GATA4: variants seen among roughly 807,000 people sequenced by gnomAD.
The protein encoded by GATA4 is GATA binding protein 4.
A neutral mutation model predicts 37.9 loss-of-function variants in GATA4; 7 were observed. That is an observed-to-expected ratio of 0.18 (90% confidence interval 0.11 to 0.35). The LOEUF (loss-of-function observed/expected upper bound fraction) is 0.35, where lower values mean the gene tolerates loss of function less well. Ranked by LOEUF, GATA4 falls within the 10% of genes least tolerant of loss-of-function variation. GATA4 has a pLI of 1.00. For missense variants in GATA4, 647 were observed against 653.0 expected, an observed-to-expected ratio of 0.99 and a Z score of 0.10; for synonymous variants, 372 against 292.6, an observed-to-expected ratio of 1.27 and a Z score of -2.77.
intron 1 of GATA4, among the ~76,000 whole-genome samples, chr8:11,698,939 T>G (rs1023116102): frequency 1.3e-5 from 2 of 152,220 alleles, no homozygotes; most frequent in African/African-American, 4.8e-5. Flanking sequence ...TGGCCAGTAT[T>G]CTACTCTGAG....
At chr8:11,689,744 G>C (rs1282230422), upstream of GATA4, among the ~76,000 whole-genome samples, 5 of 152,182 alleles carry the variant, frequency 3.3e-5, no homozygotes, top group African/African-American at 9.6e-5. Flanking sequence ...CAAGGGGTGT[G>C]GGCAGCAGCT....
intron 2 of GATA4, among the ~76,000 whole-genome samples, chr8:11,728,838 C>A (rs756332018): frequency 2.6e-5 from 4 of 152,164 alleles, no homozygotes; most frequent in Non-Finnish European, 5.9e-5. Flanking sequence ...TCATAGACCC[C>A]ATATCCAACT....
At chr8:11,697,641 C>T (rs1799544796) in intron 1 of GATA4, 1 of 985,426 alleles carries the variant, frequency 1.0e-6, no homozygotes, top group East Asian at 1.1e-4. Context: ...CCAGCACAGC[C>T]CCCCTTTCAG....
intron 2 of GATA4, among the ~76,000 whole-genome samples, chr8:11,719,380 G>A (rs1298402202): frequency 6.6e-6 from 1 of 152,070 alleles, no homozygotes; most frequent in East Asian, 1.9e-4. Flanking sequence ...AACTTGACCC[G>A]AAATAAAGAA....
In GATA4 at chr8:11,709,771, G is replaced by A. The variant is rs1331549601; in HGVS notation, c.616+843G>A. 1.3e-5 allele frequency among the ~76,000 whole-genome samples: 2 copies of A among 152,226 alleles called. No homozygotes were observed. Among genetic ancestry groups the A allele is most frequent in the Non-Finnish European group, 2.9e-5 (2 of 68,040 alleles). ...GTGTTTCCATCGGATGTCAGACGGG[G>A]AGGGACGGCAAACCTGTCTCAACCT... On this transcript the variant is annotated intron_variant, in intron 2 of 6. Coordinates refer to ENST00000532059, the MANE Select transcript of GATA4 (RefSeq NM_001308093.3). This position sits in a 1 kb window ranked among gnomAD's most constrained non-coding sequence, Gnocchi z 4.3.
Position 11,708,298 on chromosome 8 carries a change from G to T in GATA4, c.-15G>T. On this transcript the variant is annotated 5_prime_UTR_variant, in exon 2 of 7. Transcript: ENST00000532059. The surrounding 1 kb of genome is among the most constrained non-coding windows in gnomAD (Gnocchi z 6.7). ...GGGAGAGAGAGGACACCGAAGCCGG[G>T]AGCTCGCAGGGACCATGTATCAGAG... 6.3e-7 allele frequency: 1 copy of T among 1,576,036 alleles called. No homozygotes were observed. The highest frequency in any genetic ancestry group is 1.8e-5 in the Admixed American group (1 of 57,004).
At chr8:11,744,820 G>C (rs1243815568) in intron 2 of GATA4, among the ~76,000 whole-genome samples, 1 of 152,160 alleles carries the variant, frequency 6.6e-6, no homozygotes, top group African/African-American at 2.4e-5. Flanking sequence ...GGTAACCCCT[G>C]ACCCTTCTAT....
intron 2 of GATA4, among the ~76,000 whole-genome samples, chr8:11,738,050 A>G (rs1801544121): frequency 6.6e-6 from 1 of 151,934 alleles, no homozygotes; most frequent in Non-Finnish European, 1.5e-5. Context: ...GCGTGATGGT[A>G]TATACCTGTA....
intron 1 of GATA4, chr8:11,697,477 G>C: frequency 1.2e-6 from 1 of 859,482 alleles, no homozygotes; most frequent in Non-Finnish European, 1.4e-6. Flanking sequence ...AGCGGTGTTC[G>C]GAGGGGAGCA....
Position 11,758,512 on chromosome 8 carries a change from T to A in GATA4, c.*37T>A. ...CCCTCCTCAAATTCCTGCACGGACCTGGGACTTGGAGGATAGCAAAGAAGG... is the reference window on the plus strand; with the variant it reads ...CCCTCCTCAAATTCCTGCACGGACCAGGGACTTGGAGGATAGCAAAGAAGG... On this transcript the variant is annotated 3_prime_UTR_variant, in exon 7 of 7. Coordinates refer to ENST00000532059, the MANE Select transcript of GATA4 (RefSeq NM_001308093.3). 1 of 1,607,738 alleles carries A rather than the reference T, an allele frequency of 6.2e-7. No individual in the cohort carries two copies. Among genetic ancestry groups the A allele is most frequent in the Non-Finnish European group, 8.5e-7 (1 of 1,174,282 alleles).
At chr8:11,682,246 C>T (rs956260327) in intron 1 of GATA4, among the ~76,000 whole-genome samples, 1 of 152,180 alleles carries the variant, frequency 6.6e-6, no homozygotes, top group Admixed American at 6.5e-5. Flanking sequence ...GCTTCTCCTG[C>T]TACATCGTTT....
upstream of GATA4, among the ~76,000 whole-genome samples, chr8:11,691,058 A>C (rs1799297774): frequency 6.6e-6 from 1 of 152,180 alleles, no homozygotes; most frequent in Non-Finnish European, 1.5e-5. Flanking sequence ...AAATGGAGGA[A>C]ATAGAGTGAC....
upstream of GATA4, among the ~76,000 whole-genome samples, chr8:11,699,645 C>T (rs1799608078): frequency 6.6e-6 from 1 of 152,268 alleles, no homozygotes; most frequent in South Asian, 2.1e-4. Context: ...CGCTCCTCAA[C>T]CTGCTGGGGC....
chr8:11,700,650 A>G (rs1325649343), upstream of GATA4: 1 of 152,228 alleles, frequency 6.6e-6, no homozygotes, highest in African/African-American at 2.4e-5. Flanking sequence ...CAGCGGGGGA[A>G]TCCAAGGGCC....
At chr8:11,679,983 G>A (rs1798902247) in intron 1 of GATA4, among the ~76,000 whole-genome samples, 1 of 152,220 alleles carries the variant, frequency 6.6e-6, no homozygotes, top group African/African-American at 2.4e-5. Context: ...CCCGCATGAT[G>A]AGAAGAAAGA....
chr8:11,698,686 G>A (rs367764347), intron 1 of GATA4, among the ~76,000 whole-genome samples: 133 of 152,250 alleles, frequency 8.7e-4, no homozygotes, highest in African/African-American at 3.2e-3. Flanking sequence ...CCGGAGGCCC[G>A]GGGACTCCCT....
Position 11,708,949 on chromosome 8 carries a change from T to C in GATA4, c.616+21T>C, listed in dbSNP as rs1800035332. ...TCTCGGTGAGTAGGAGCGCGAGGGC[T>C]GGGGCGCGTGAGGGCCGGGGCAGGG... On this transcript the variant is annotated intron_variant, in intron 2 of 6. Coordinates refer to ENST00000532059, the MANE Select transcript of GATA4 (RefSeq NM_001308093.3). This position sits in a 1 kb window ranked among gnomAD's most constrained non-coding sequence, Gnocchi z 6.7. 1 of 1,518,332 alleles carries C rather than the reference T, an allele frequency of 6.6e-7. No homozygotes were observed. Among genetic ancestry groups the C allele is most frequent in the South Asian group, 1.2e-5 (1 of 82,796 alleles). 94.1% of individuals were successfully genotyped at this position (1,518,332 alleles called of 1,614,324 possible). A position where few individuals can be genotyped will look rare whatever the true frequency, so the allele number is the denominator to read the frequency against.
intron 4 of GATA4, among the ~76,000 whole-genome samples, chr8:11,754,017 A>G (rs1415952122): frequency 6.6e-6 from 1 of 152,168 alleles, no homozygotes; most frequent in Non-Finnish European, 1.5e-5. Context: ...GTCCAGGGAC[A>G]TTTTATCTCA....
chr8:11,710,286 C>G (rs749356049), intron 2 of GATA4, among the ~76,000 whole-genome samples: 32 of 152,274 alleles, frequency 2.1e-4, no homozygotes, highest in Non-Finnish European at 3.8e-4. Context: ...CGGCCACCCC[C>G]AGGGGAGGAG....
Sources: allele counts gnomAD v4.1 joint callset (sites outside exome capture counted in the v4.1 genomes callset), GRCh38; gene constraint gnomAD v4.1.1; non-coding constraint Gnocchi (gnomAD v3.1); transcripts MANE v1.5; gene names NCBI Gene and HGNC (gene_info 2026-07-23, HGNC 2026-07-21).